RETREG2: variants seen among roughly 807,000 people sequenced by gnomAD.
The protein encoded by RETREG2 is reticulophagy regulator family member 2, also known as reticulophagy regulator 2.
Under a neutral mutation model 51.6 loss-of-function variants are expected in RETREG2, and 21 were observed. That is an observed-to-expected ratio of 0.41 (90% CI 0.29 to 0.59). The LOEUF is 0.59. Among genes scored for constraint, RETREG2 ranks in the 20% least tolerant of loss-of-function variants. RETREG2 has a pLI of 0.34. For missense variants in RETREG2, 674 were observed against 646.0 expected (o/e 1.04, Z -0.47); for synonymous variants, 339 against 288.6 (o/e 1.17, Z -1.77).
chr2:219,182,558 C>CCA lies in RETREG2; in HGVS notation c.1563_1564dup (p.Pro522HisfsTer40), dbSNP rs1559222669. On this transcript the variant is annotated frameshift_variant, in exon 9 of 9. Transcript: ENST00000430297. LOFTEE classifies it high-confidence loss of function. ...GACACCGCCAAAACCCCCTGATGCT[C>CCA]CACCCCTGGGGCCCGACATCCATTC... 6.2e-7 allele frequency: 1 copy of CCA among 1,614,184 alleles called. No homozygotes were observed. The highest frequency in any genetic ancestry group is 1.1e-5 in the South Asian group (1 of 91,080).
At chr2:219,180,401 G>A (rs1016141657) in intron 4 of RETREG2, among the ~76,000 whole-genome samples, 156 bp downstream of exon 4, 4 of 152,232 alleles carry the variant, frequency 2.6e-5, no homozygotes, top group African/African-American at 9.6e-5. Flanking sequence ...AATCCCTGGT[G>A]CAGGAGGCAG....
rs1378129311 is a variant in RETREG2, at chr2:219,184,494, C to CTGTT, written c.*1868_*1871dup. 1.3e-5 allele frequency: 2 copies of CTGTT among 152,104 alleles called. No individual in the cohort carries two copies. The highest frequency in any genetic ancestry group is 4.8e-5 in the African/African-American group (2 of 41,424). 9.4% of individuals were successfully genotyped at this position (152,104 alleles called of 1,614,324 possible). A position where few individuals can be genotyped will look rare whatever the true frequency, so the allele number is the denominator to read the frequency against. On this transcript the variant is annotated 3_prime_UTR_variant, in exon 9 of 9. Transcript: ENST00000430297. ...CTTTCCTAAGTGTGTAAGAATTTTT[C>CTGTT]TGTTTGCTTCACATTTGACTGAGAA...
rs1353934349 is a variant in RETREG2, at chr2:219,183,400, C to A, written c.*771C>A. ...TTCCTTACTGCTCCTCTGGGTGATC[C>A]AAGTGTAGTGGGACCCCCTACTAGG... On this transcript the variant is annotated 3_prime_UTR_variant, in exon 9 of 9. Transcript: ENST00000430297. 1 of 152,276 alleles carries A rather than the reference C, an allele frequency of 6.6e-6. No individual in the cohort carries two copies. Among genetic ancestry groups the A allele is most frequent in the African/African-American group, 2.4e-5 (1 of 41,460 alleles). The allele number at this position is 152,276 out of a possible 1,614,324, so 9.4% of individuals were successfully genotyped here. A position where few individuals can be genotyped will look rare whatever the true frequency, so the allele number is the denominator to read the frequency against.
intron 4 of RETREG2, 88 bp downstream of exon 4, chr2:219,180,333 C>G (rs571046093): frequency 4.6e-6 from 7 of 1,520,774 alleles, no homozygotes; most frequent in Non-Finnish European, 6.3e-6. Flanking sequence ...ATAAACTCCC[C>G]GCTTGGAGAC....
At chr2:219,180,562 C>G (rs1950263576) in intron 4 of RETREG2, 108 bp from the exon 5 acceptor site, 2 of 1,579,994 alleles carry the variant, frequency 1.3e-6, no homozygotes, top group South Asian at 2.3e-5. Flanking sequence ...CCACCCCATT[C>G]CTTGAGTACA....
At chr2:219,180,286 G>A (rs1453532448) in intron 4 of RETREG2, 41 bp downstream of exon 4, 6 of 1,611,228 alleles carry the variant, frequency 3.7e-6, no homozygotes, top group Non-Finnish European at 5.1e-6. Flanking sequence ...CTACACTGAA[G>A]GGGAATAGAG....
At position 219,182,871 on chromosome 2, in the gene RETREG2, A is replaced by G; in HGVS notation, c.*242A>G. ...TCCATTTGGGTTAGTGGATGTGAAC[A>G]GGGCTAGGGAAGTCCTTCCCACAGC... On this transcript the variant is annotated 3_prime_UTR_variant, in exon 9 of 9. Transcript: ENST00000430297. The G allele has an allele frequency of 1.8e-6, 1 of 549,398 alleles. No individual in the cohort carries two copies. Among genetic ancestry groups the G allele is most frequent in the Non-Finnish European group, 3.3e-6 (1 of 307,032 alleles). 34.0% of individuals were successfully genotyped at this position (549,398 alleles called of 1,614,324 possible). A position where few individuals can be genotyped will look rare whatever the true frequency, so the allele number is the denominator to read the frequency against.
Position 219,178,469 on chromosome 2 carries a change from A to C in RETREG2, c.117A>C (p.Ala39=). ...GCATGAGTGAGGCCACCAGTGAGGC[A>C]GAGGAGGAGGCGGCCACGGCCGAGG... is the stretch of plus-strand genomic sequence containing the variant. The part of the protein sequence containing the change: ...SLGMSEATSE[A]EEEAATAEAV... The change falls in exon 1 of 9, where the codon GCA becomes GCC. Residue 39 remains alanine (A), a synonymous_variant. Coordinates refer to ENST00000430297, the MANE Select transcript of RETREG2 (RefSeq NM_024293.6). The C allele has an allele frequency of 1.0e-6, 1 of 981,894 alleles. No homozygotes were observed. Among genetic ancestry groups the C allele is most frequent in the Non-Finnish European group, 1.4e-6 (1 of 691,100 alleles). 60.8% of individuals were successfully genotyped at this position (981,894 alleles called of 1,614,324 possible).
rs768864083 is a variant in RETREG2 at position 219,182,601 on chromosome 2, A to G, written c.1604A>G (p.Gln535Arg). 32 of 1,614,036 alleles carry G rather than the reference A, an allele frequency of 2.0e-5. No homozygotes were observed. The highest frequency in any genetic ancestry group is 5.0e-5 in the Admixed American group (3 of 60,002). Residue 535 changes from glutamine to arginine, a missense_variant, in exon 9 of 9, where the codon CAA becomes CGA. Coordinates refer to ENST00000430297, the MANE Select transcript of RETREG2 (RefSeq NM_024293.6). ...PDIHSLVQSD[Q>R]EAQAVAEP ...ATCCATTCTCTGGTACAGTCAGACC[A>G]AGAAGCTCAGGCCGTGGCAGAGCCA...
At position 219,182,757 on chromosome 2, in the gene RETREG2, A is replaced by T; in HGVS notation, c.*128A>T. 1 of 1,110,212 alleles carries T rather than the reference A, an allele frequency of 9.0e-7. No homozygotes were observed. The allele number at this position is 1,110,212 out of a possible 1,614,324, so 68.8% of individuals were successfully genotyped here. On this transcript the variant is annotated 3_prime_UTR_variant, in exon 9 of 9. Transcript: ENST00000430297. ...GGAAGCTGGCTGTCGGATGGTAGCT[A>T]TTCCACCCTCTGCCTGCCTGCCTGC...
chr2:219,178,883 C>A, intron 1 of RETREG2, 39 bp from the exon 2 acceptor site: 1 of 1,446,494 alleles, frequency 6.9e-7, no homozygotes, highest in South Asian at 1.2e-5. Context: ...ATGAGCCTGT[C>A]TCACCCACTC....
rs1169308132 is a variant in RETREG2, at chr2:219,183,977, G to A, written c.*1348G>A. 6.6e-6 allele frequency: 1 copy of A among 152,200 alleles called. No homozygotes were observed. Among genetic ancestry groups the A allele is most frequent in the Non-Finnish European group, 1.5e-5 (1 of 68,048 alleles). 9.4% of individuals were successfully genotyped at this position (152,200 alleles called of 1,614,324 possible). ...TTAACAGTTACTGAGTCCATTGTAT[G>A]TGCTTGGCTCTGCTCTGAGTGATTT... On this transcript the variant is annotated 3_prime_UTR_variant, in exon 9 of 9. Coordinates refer to ENST00000430297, the MANE Select transcript of RETREG2 (RefSeq NM_024293.6).
intron 2 of RETREG2, 136 bp downstream of exon 2, chr2:219,179,164 G>A (rs1950237682): frequency 1.4e-6 from 1 of 735,564 alleles, no homozygotes; most frequent in Non-Finnish European, 2.5e-6. Context: ...CTTTTTGTAC[G>A]GAATTCCCTA....
In RETREG2 at chr2:219,182,328, C is replaced by A. The variant is rs1405367590; in HGVS notation, c.1331C>A (p.Ala444Asp). 9.9e-6 allele frequency: 16 copies of A among 1,613,990 alleles called. No homozygotes were observed. The highest frequency in any genetic ancestry group is 1.4e-5 in the Non-Finnish European group (16 of 1,179,996). ...SPETVSGGLT[A>D]LPGTLSPPLC... is the part of the protein sequence containing the mutation. ...GAGACAGTGAGTGGTGGCCTCACTG[C>A]TCTGCCCGGCACCCTGTCACCTCCA... Residue 444 changes from alanine to aspartate, a missense_variant, in exon 9 of 9, where the codon GCT (alanine) becomes GAT (aspartate). Transcript: ENST00000430297.
At chr2:219,178,818 C>A in intron 1 of RETREG2, 104 bp from the exon 2 acceptor site, 1 of 1,095,904 alleles carries the variant, frequency 9.1e-7, no homozygotes, top group Non-Finnish European at 1.3e-6. Flanking sequence ...CGAGTTAGGC[C>A]TGGAGGTGCC....
chr2:219,179,869 G>A, intron 3 of RETREG2, 106 bp downstream of exon 3: 1 of 1,326,856 alleles, frequency 7.5e-7, no homozygotes. Context: ...TGAATGAACT[G>A]GTAACAAGCC....
chr2:219,180,713 TG>T lies in RETREG2; in HGVS notation c.602del (p.Gly201AspfsTer8). 1 of 1,614,132 alleles carries T rather than the reference TG, an allele frequency of 6.2e-7. No individual in the cohort carries two copies. Among genetic ancestry groups the T allele is most frequent in the Non-Finnish European group, 8.5e-7 (1 of 1,179,952 alleles). ...TCTGGCTGTGCTGTGTTGGCTGTGT[TG>T]GGACACTATGTTCCAGGGATTATGA... The part of the protein sequence containing the change: ...VCSGCAVLAV[L>X]GHYVPGIMIS... On this transcript the variant is annotated frameshift_variant, in exon 5 of 9. Coordinates refer to ENST00000430297, the MANE Select transcript of RETREG2 (RefSeq NM_024293.6). LOFTEE classifies it high-confidence loss of function.
At chr2:219,180,314 TG>T (rs1189066831) in intron 4 of RETREG2, 69 bp downstream of exon 4, 19 of 1,591,914 alleles carry the variant, frequency 1.2e-5, no homozygotes, top group Non-Finnish European at 1.5e-5. Context: ...GGGATGGGAG[TG>T]GAGTGATATA....
chr2:219,178,424 G>T lies in RETREG2; in HGVS notation c.72G>T (p.Leu24=), dbSNP rs1950219053. The T allele has an allele frequency of 1.6e-6, 1 of 616,094 alleles. No homozygotes were observed. Among genetic ancestry groups the T allele is most frequent in the South Asian group, 2.3e-5 (1 of 42,788 alleles). The allele number at this position is 616,094 out of a possible 1,614,324, so 38.2% of individuals were successfully genotyped here. A position where few individuals can be genotyped will look rare whatever the true frequency, so the allele number is the denominator to read the frequency against. ...CGGGGATGGGCCTGAGCCTGGGCCT[G>T]GGTCTGGGTCTGAGCCTAGGCATGA... The part of the protein sequence containing the change: ...GGPGMGLSLG[L]GLGLSLGMSE... Residue 24 remains leucine (L), a synonymous_variant, in exon 1 of 9, where the codon CTG becomes CTT. Coordinates refer to ENST00000430297, the MANE Select transcript of RETREG2 (RefSeq NM_024293.6).
Sources: allele counts gnomAD v4.1 joint callset (sites outside exome capture counted in the v4.1 genomes callset), GRCh38; gene constraint gnomAD v4.1.1; transcripts MANE v1.5; gene names NCBI Gene and HGNC (gene_info 2026-07-23, HGNC 2026-07-21).